Variants in EPHB1 observed in about 807,000 individuals in gnomAD.
EPHB1 encodes EPH receptor B1.
In EPHB1, 30 loss-of-function variants were observed where a neutral mutation model predicts 94.4. That is an observed-to-expected ratio of 0.32 (90% confidence interval 0.24 to 0.43). EPHB1 has a LOEUF of 0.43. EPHB1 is among the 20% of genes least tolerant of loss of function. The pLI is 1.00. For synonymous variants in EPHB1, 522 were observed against 489.1 expected, an observed-to-expected ratio of 1.07 and a Z score of -0.89; for missense variants, 1,055 against 1,308.3, an observed-to-expected ratio of 0.81 and a Z score of 2.99.
At position 135,167,433 on chromosome 3, in the gene EPHB1, G is replaced by A. The variant is rs1032379507; in HGVS notation, c.1759+427G>A. 1.1e-4 allele frequency among the ~76,000 whole-genome samples: 16 copies of A among 152,240 alleles called. No homozygotes were observed. In the East Asian group the frequency reaches 3.1e-3, roughly 29 times the overall value. The stretch of plus-strand genomic sequence containing the variant: ...GATAAGCCATAGAACATGAAGGTAG[G>A]GAATTAAAAAGATAGCAGAGCCCAA... On this transcript the variant is annotated intron_variant, in intron 9 of 15. Transcript: ENST00000398015.
intron 1 of EPHB1, among the ~76,000 whole-genome samples, chr3:134,921,615 G>A (rs1341094930): frequency 1.3e-5 from 2 of 152,122 alleles, no homozygotes; most frequent in Admixed American, 1.3e-4. Context: ...AAAGAAGAAA[G>A]CAGATGAAAT....
chr3:135,255,139 T>TTTG (rs1396719750), intron 15 of EPHB1, among the ~76,000 whole-genome samples: 2 of 152,240 alleles, frequency 1.3e-5, no homozygotes, highest in East Asian at 3.9e-4. Context: ...GTCTATCAAT[T>TTTG]TTGTTGATCC....
chr3:134,907,606 A>C (rs2038358812), intron 1 of EPHB1, among the ~76,000 whole-genome samples: 1 of 152,166 alleles, frequency 6.6e-6, no homozygotes, highest in Non-Finnish European at 1.5e-5. Context: ...TACATACATT[A>C]GATTAACTGC....
chr3:135,177,116 A>C (rs201055636), intron 9 of EPHB1, among the ~76,000 whole-genome samples: 4 of 152,064 alleles, frequency 2.6e-5, no homozygotes, highest in African/African-American at 9.7e-5. Context: ...CTTTAATCTC[A>C]CAGCCACTTT....
intron 1 of EPHB1, among the ~76,000 whole-genome samples, chr3:134,922,018 C>T (rs368500167): frequency 2.0e-5 from 3 of 152,188 alleles, no homozygotes; most frequent in Non-Finnish European, 4.4e-5. Flanking sequence ...CCCTTCCCGG[C>T]GATCTCCCCT....
chr3:134,803,571 C>T (rs1348262779), intron 1 of EPHB1, among the ~76,000 whole-genome samples: 1 of 152,126 alleles, frequency 6.6e-6, no homozygotes, highest in Non-Finnish European at 1.5e-5. Flanking sequence ...ATGCTGGATC[C>T]AGGATTAGAT....
At chr3:135,101,649 T>C (rs903451274) in intron 3 of EPHB1, among the ~76,000 whole-genome samples, 2 of 152,154 alleles carry the variant, frequency 1.3e-5, no homozygotes, top group African/African-American at 4.8e-5. Flanking sequence ...CCCAAAGTGT[T>C]GGGATTACAA....
At chr3:134,908,436 C>A (rs376492122) in intron 1 of EPHB1, among the ~76,000 whole-genome samples, 3 of 152,208 alleles carry the variant, frequency 2.0e-5, no homozygotes, top group Admixed American at 6.5e-5. Flanking sequence ...CCTACCCAGG[C>A]AGCCTGCAGG....
At chr3:135,147,559 G>A (rs1220149803) in intron 5 of EPHB1, among the ~76,000 whole-genome samples, 1 of 152,194 alleles carries the variant, frequency 6.6e-6, no homozygotes, top group African/African-American at 2.4e-5. Flanking sequence ...GCAGGCTGGG[G>A]CAGCAGCATC....
At chr3:135,199,189 G>A (rs1385198360) in intron 11 of EPHB1, among the ~76,000 whole-genome samples, 1 of 152,154 alleles carries the variant, frequency 6.6e-6, no homozygotes, top group Non-Finnish European at 1.5e-5. Flanking sequence ...AGACACTGTT[G>A]CCTATACTTA....
chr3:135,255,128 G>A (rs377481824), intron 15 of EPHB1, among the ~76,000 whole-genome samples: 104 of 151,774 alleles, frequency 6.9e-4, no homozygotes, highest in East Asian at 3.1e-3. Flanking sequence ...TCTTGCTAGC[G>A]GTCTATCAAT....
chr3:135,138,656 G>T (rs1350500554), intron 5 of EPHB1, among the ~76,000 whole-genome samples: 1 of 152,110 alleles, frequency 6.6e-6, no homozygotes, highest in African/African-American at 2.4e-5. Context: ...ACAGAGAAAA[G>T]ATTGAGTGAG....
chr3:135,252,154 T>A (rs1933135250), intron 15 of EPHB1, among the ~76,000 whole-genome samples: 1 of 151,908 alleles, frequency 6.6e-6, no homozygotes, highest in African/African-American at 2.4e-5. Context: ...TTGTTACTGT[T>A]AAATTTTTTT....
intron 1 of EPHB1, among the ~76,000 whole-genome samples, chr3:134,898,662 A>AC (rs1205422003): frequency 6.6e-6 from 1 of 152,186 alleles, no homozygotes; most frequent in Admixed American, 6.5e-5. Context: ...CAATGTCTGT[A>AC]CAGGGTCTGT....
chr3:135,093,229 G>A (rs1938621325), intron 3 of EPHB1, among the ~76,000 whole-genome samples: 2 of 152,096 alleles, frequency 1.3e-5, no homozygotes. Flanking sequence ...GTGGAGTTGG[G>A]GACACAGAGA....
At chr3:134,966,843 A>C (rs1933767963) in intron 3 of EPHB1, among the ~76,000 whole-genome samples, 1 of 152,250 alleles carries the variant, frequency 6.6e-6, no homozygotes. Flanking sequence ...GTGCTTGCCC[A>C]GTGCATGGCC....
chr3:134,882,582 A>G (rs2037755450), intron 1 of EPHB1, among the ~76,000 whole-genome samples: 1 of 152,204 alleles, frequency 6.6e-6, no homozygotes, highest in South Asian at 2.1e-4. Flanking sequence ...TGAGGAATCA[A>G]CTTGTGGGTA....
rs2107710106 is a variant in EPHB1, at chr3:135,192,803, G to A, written c.2110G>A (p.Ala704Thr). ...CATCACAGAGTTCATGGAGAATGGT[G>A]CATTGGATTCTTTCCTCAGGGTAAG... The part of the protein sequence containing the change: ...MIITEFMENG[A>T]LDSFLRQNDG... Residue 704 changes from alanine (A) to threonine (T), a missense_variant, in exon 11 of 16, where the codon GCA (alanine) becomes ACA (threonine). By Grantham distance (58) the Ala-to-Thr change is moderately conservative (BLOSUM62 0). Coordinates refer to ENST00000398015, the MANE Select transcript of EPHB1 (RefSeq NM_004441.5). 1 of 1,614,056 alleles carries A rather than the reference G, an allele frequency of 6.2e-7. No homozygotes were observed. The highest frequency in any genetic ancestry group is 8.5e-7 in the Non-Finnish European group (1 of 1,179,900).
At chr3:135,069,836 C>G (rs1480282975) in intron 3 of EPHB1, among the ~76,000 whole-genome samples, 1 of 151,860 alleles carries the variant, frequency 6.6e-6, no homozygotes, top group Non-Finnish European at 1.5e-5. Flanking sequence ...AAAAAAAAAG[C>G]TAGAATGGTT....
Sources: allele counts gnomAD v4.1 joint callset (sites outside exome capture counted in the v4.1 genomes callset), GRCh38; gene constraint gnomAD v4.1.1; transcripts MANE v1.5; gene names NCBI Gene and HGNC (gene_info 2026-07-23, HGNC 2026-07-21).